Variants in NLRP11 observed in about 807,000 individuals in gnomAD.
NLRP11 encodes NACHT, LRR and PYD domains-containing protein 11.
Under a neutral mutation model 79.3 loss-of-function variants are expected in NLRP11, and 53 were observed. That is an observed-to-expected ratio of 0.67 (90% CI 0.54 to 0.84). The LOEUF (loss-of-function observed/expected upper bound fraction) is 0.84, where lower values mean the gene tolerates loss of function less well. Among genes scored for constraint, NLRP11 ranks in the 40% least tolerant of loss-of-function variants. The pLI, the probability that NLRP11 is intolerant of heterozygous loss-of-function variation, is 0.00. For synonymous variants in NLRP11, 518 were observed against 462.6 expected, an observed-to-expected ratio of 1.12 and a Z score of -1.54; for missense variants, 1,264 against 1,255.0, an observed-to-expected ratio of 1.01 and a Z score of -0.11.
intron 8 of NLRP11, 26 bp from the exon 9 acceptor site, chr19:55,789,003 T>C: frequency 6.2e-7 from 1 of 1,612,650 alleles, no homozygotes; most frequent in Non-Finnish European, 8.5e-7. Flanking sequence ...ACAGGTAAGG[T>C]GGGGCCAAAT....
chr19:55,795,857 T>C (rs1435135000), intron 6 of NLRP11, among the ~76,000 whole-genome samples: 2 of 152,156 alleles, frequency 1.3e-5, no homozygotes, highest in Non-Finnish European at 1.5e-5. Flanking sequence ...ACTGTCCAGA[T>C]TGAGAAATAC....
At position 55,788,928 on chromosome 19, in the gene NLRP11, CA is replaced by C; in HGVS notation, c.2733del (p.Val912PhefsTer8). 6.2e-7 allele frequency: 1 copy of C among 1,613,866 alleles called. No homozygotes were observed. Among genetic ancestry groups the C allele is most frequent in the African/African-American group, 1.3e-5 (1 of 74,934 alleles). On this transcript the variant is annotated frameshift_variant, in exon 9 of 10. Coordinates refer to ENST00000589093, the Ensembl canonical transcript of NLRP11. LOFTEE classifies it high-confidence loss of function. Reference sequence around the variant, plus strand: ...TCTAGTGTTTTGTTGGTGGTAAGAACAGAGGCAAGAGATCGACAGCAGGCAC... The same window carrying C: ...TCTAGTGTTTTGTTGGTGGTAAGAACGAGGCAAGAGATCGACAGCAGGCAC...
At chr19:55,813,015 A>G (rs1189902600) in intron 2 of NLRP11, among the ~76,000 whole-genome samples, 2 of 152,172 alleles carry the variant, frequency 1.3e-5, no homozygotes, top group African/African-American at 4.8e-5. Context: ...GGTCAAAGGC[A>G]TGTTGAAAAC....
At chr19:55,803,020 A>G (rs1299812507) in intron 4 of NLRP11, among the ~76,000 whole-genome samples, 2 of 152,164 alleles carry the variant, frequency 1.3e-5, no homozygotes, top group African/African-American at 4.8e-5. Flanking sequence ...CCAACTCAAG[A>G]TGGATTACAG....
At chr19:55,832,277 C>G (rs1260540671), upstream of NLRP11, among the ~76,000 whole-genome samples, 1 of 152,148 alleles carries the variant, frequency 6.6e-6, no homozygotes. Context: ...TTAGGCAGTG[C>G]CGGGGGAAAG....
intron 7 of NLRP11, among the ~76,000 whole-genome samples, chr19:55,791,575 C>T (rs989812192): frequency 2.0e-5 from 3 of 152,142 alleles, no homozygotes; most frequent in African/African-American, 7.2e-5. Context: ...TTTAGGTTAT[C>T]AGTTTCTTAT....
In NLRP11 at chr19:55,809,178, ACT is replaced by A. The variant is rs1175559506; in HGVS notation, c.1430_1431del (p.Glu477ValfsTer2). 1.9e-6 allele frequency: 3 copies of A among 1,613,678 alleles called. No homozygotes were observed. The highest frequency in any genetic ancestry group is 3.3e-5 in the Admixed American group (2 of 59,998). ...GAGTATTGTTCTCTCTTCTCTTTAT[ACT>A]CTCTGCTGCCTGAGGGGATCAGATA... is the stretch of plus-strand genomic sequence containing the variant. On this transcript the variant is annotated frameshift_variant, in exon 3 of 10. Transcript: ENST00000589093. LOFTEE classifies it high-confidence loss of function. The surrounding 1 kb of genome is among the most constrained non-coding windows in gnomAD (Gnocchi z 4.5).
rs1555804225 is a variant in NLRP11 at position 55,821,250 on chromosome 19, C to CCCACACA, written c.-62-3015_-62-3014insTGTGTGG. On this transcript the variant is annotated intron_variant, in intron 1 of 9. Coordinates refer to ENST00000589093, the Ensembl canonical transcript of NLRP11. ...ACACACACACACACACACACACACA[C>CCCACACA]CCCAAGCACTGAGTTTGTAATGATC... Among the ~76,000 whole-genome samples the CCCACACA allele has an allele frequency of 4.9e-5, 5 of 102,494 alleles. No individual in the cohort carries two copies. In the Admixed American group the frequency reaches 6.2e-4, roughly 13 times the overall value. The allele number at this position is 102,494 out of a possible 152,430, so 67.2% of individuals were successfully genotyped here.
intron 2 of NLRP11, among the ~76,000 whole-genome samples, chr19:55,813,227 C>T (rs1980776935): frequency 6.6e-6 from 1 of 152,122 alleles, no homozygotes; most frequent in East Asian, 1.9e-4. Context: ...ACTCGGGAGG[C>T]TGAGACAGGA....
chr19:55,824,655 GA>G lies in NLRP11; in HGVS notation c.-62-6420del, dbSNP rs1982127887. 2.0e-5 allele frequency among the ~76,000 whole-genome samples: 2 copies of G among 99,576 alleles called. 1 individual carries two copies. The highest frequency in any genetic ancestry group is 1.9e-4 in the Admixed American group (2 of 10,422). The allele number at this position is 99,576 out of a possible 152,430, so 65.3% of individuals were successfully genotyped here. On this transcript the variant is annotated intron_variant, in intron 1 of 9. Transcript: ENST00000589093. ...CAGACTTTAAACCAACAAAGATCAA[GA>G]GACAAAGAAGGCCATTACATAATGG... is the stretch of plus-strand genomic sequence containing the variant.
At chr19:55,827,672 T>C (rs1471403985) in intron 1 of NLRP11, among the ~76,000 whole-genome samples, 4 of 151,410 alleles carry the variant, frequency 2.6e-5, no homozygotes, top group Non-Finnish European at 2.9e-5. Context: ...AAAATGCTCA[T>C]CATCACTGGC....
intron 4 of NLRP11, among the ~76,000 whole-genome samples, chr19:55,802,590 A>C (rs538974010): frequency 6.6e-6 from 1 of 152,260 alleles, no homozygotes; most frequent in Non-Finnish European, 1.5e-5. Context: ...ATACTGCCCA[A>C]AGCAATTTAC....
chr19:55,822,693 C>A (rs374394385), intron 1 of NLRP11, among the ~76,000 whole-genome samples: 1 of 152,310 alleles, frequency 6.6e-6, no homozygotes, highest in Admixed American at 6.5e-5. Context: ...CCGAATACTG[C>A]GCTTTTCTGA....
intron 3 of NLRP11, 40 bp from the exon 4 acceptor site, chr19:55,808,054 T>G: frequency 1.4e-6 from 2 of 1,385,578 alleles, no homozygotes; most frequent in Non-Finnish European, 2.0e-6. Flanking sequence ...TGGAATCGAT[T>G]CAACTCCAGC....
chr19:55,823,171 A>G (rs891003260), intron 1 of NLRP11, among the ~76,000 whole-genome samples: 11 of 146,246 alleles, frequency 7.5e-5, no homozygotes, highest in Non-Finnish European at 1.0e-4. Context: ...CTCACACGGC[A>G]GGGTATTCCA....
At position 55,821,248 on chromosome 19, in the gene NLRP11, CA is replaced by C. The variant is rs1344994616; in HGVS notation, c.-62-3013del. 6.6e-3 allele frequency among the ~76,000 whole-genome samples: 784 copies of C among 118,320 alleles called. 6 individuals are homozygous for C. Among genetic ancestry groups the C allele is most frequent in the African/African-American group, 0.023 (731 of 31,374 alleles). 77.6% of individuals were successfully genotyped at this position (118,320 alleles called of 152,430 possible). A position where few individuals can be genotyped will look rare whatever the true frequency, so the allele number is the denominator to read the frequency against. The stretch of plus-strand genomic sequence containing the variant: ...ACACACACACACACACACACACACA[CA>C]CCCCAAGCACTGAGTTTGTAATGAT... On this transcript the variant is annotated intron_variant, in intron 1 of 9. Transcript: ENST00000589093.
intron 3 of NLRP11, among the ~76,000 whole-genome samples, chr19:55,808,246 C>T (rs538968395): frequency 9.2e-5 from 14 of 152,130 alleles, no homozygotes; most frequent in African/African-American, 2.9e-4. Context: ...CCTTTAAATG[C>T]GAGATTATTA....
rs779869916 is a variant in NLRP11 at position 55,810,064 on chromosome 19, G to T, written c.546C>A (p.Tyr182Ter). 6.2e-7 allele frequency: 1 copy of T among 1,614,056 alleles called. No individual in the cohort carries two copies. Among genetic ancestry groups the T allele is most frequent in the Admixed American group, 1.7e-5 (1 of 60,012 alleles). The change falls in exon 3 of 10, where the codon TAC (tyrosine) becomes TAA (stop). Residue 182 changes from tyrosine to a stop codon, truncating the protein, a stop_gained. Transcript: ENST00000589093. LOFTEE classifies it high-confidence loss of function. ...TTTCGTGAGCAGTGAGGTGAACGAC[G>T]TACGAGATCATGTTCTGCCACATCT...
intron 4 of NLRP11, among the ~76,000 whole-genome samples, chr19:55,807,513 A>C (rs915561517): frequency 6.6e-6 from 1 of 152,142 alleles, no homozygotes; most frequent in Non-Finnish European, 1.5e-5. Context: ...AAGACAAGGT[A>C]AACAGGCCAA....
Sources: gnomAD v4.1 joint callset for allele counts (sites outside exome capture counted in the v4.1 genomes callset) on GRCh38, gnomAD v4.1.1 for gene constraint, Gnocchi (gnomAD v3.1) non-coding constraint, MANE v1.5 for transcripts, NCBI Gene and HGNC (gene_info 2026-07-23, HGNC 2026-07-21) for gene names.